Variants in ITGA11 observed in about 807,000 individuals in gnomAD.
ITGA11 encodes integrin alpha-11.
ITGA11 carries 97 observed loss-of-function variants against 141.9 expected under a neutral mutation model. The ratio of observed to expected loss-of-function variants is 0.68; its 90% CI spans 0.58 to 0.81. The LOEUF (loss-of-function observed/expected upper bound fraction) is 0.81. Among genes scored for constraint, ITGA11 ranks in the 30% least tolerant of loss-of-function variants. The pLI is 0.00. For synonymous variants in ITGA11, 658 were observed against 624.6 expected, an observed-to-expected ratio of 1.05 and a Z score of -0.80; for missense variants, 1,387 against 1,559.2, an observed-to-expected ratio of 0.89 and a Z score of 1.86.
At chr15:68,341,772 A>G (rs1290178579) in intron 10 of ITGA11, among the ~76,000 whole-genome samples, 1 of 152,136 alleles carries the variant, frequency 6.6e-6, no homozygotes, top group Non-Finnish European at 1.5e-5. Flanking sequence ...GATGACAGGG[A>G]GCCCCTGTGA....
At position 68,297,432 on chromosome 15, in the gene ITGA11, C is replaced by CAT. The variant is rs1555444378; in HGVS notation, c.*5626_*5627insAT. ...ATCTGTACAGTTCTGCACTTCTGAGCTTTTTTTTTTTTTTTTTTTTTATCC... is the reference window on the plus strand; with the variant it reads ...ATCTGTACAGTTCTGCACTTCTGAGCATTTTTTTTTTTTTTTTTTTTTTATCC... On this transcript the variant is annotated 3_prime_UTR_variant, in exon 30 of 30. Coordinates refer to ENST00000315757, the MANE Select transcript of ITGA11 (RefSeq NM_001004439.2). 16 of 95,820 alleles carry CAT rather than the reference C, an allele frequency of 1.7e-4. No homozygotes were observed. Among genetic ancestry groups the CAT allele is most frequent in the African/African-American group, 6.6e-4 (16 of 24,328 alleles). 5.9% of individuals were successfully genotyped at this position (95,820 alleles called of 1,614,324 possible).
rs1217757021 is a variant in ITGA11, at chr15:68,305,560, T to G, written c.3382-1675A>C. The stretch of plus-strand genomic sequence containing the variant: ...ACCTGCAACAGCAGACAGAGCCATG[T>G]GGAGTGAATGGACCACCTGCAACAG... On this transcript the variant is annotated intron_variant, in intron 28 of 29. Coordinates refer to ENST00000315757, the MANE Select transcript of ITGA11 (RefSeq NM_001004439.2). The surrounding 1 kb of genome is among the most constrained non-coding windows in gnomAD (Gnocchi z 4.6). Among the ~76,000 whole-genome samples, 6 of 152,114 alleles carry G rather than the reference T, an allele frequency of 3.9e-5. No individual in the cohort carries two copies. The highest frequency in any genetic ancestry group is 1.4e-4 in the African/African-American group (6 of 41,424).
rs936349832 is a variant in ITGA11, at chr15:68,333,957, G to A, written c.1426-1479C>T. 7.9e-5 allele frequency among the ~76,000 whole-genome samples: 12 copies of A among 152,028 alleles called. No individual in the cohort carries two copies. The highest frequency in any genetic ancestry group is 1.9e-4 in the African/African-American group (8 of 41,374). On this transcript the variant is annotated intron_variant, in intron 12 of 29. Coordinates refer to ENST00000315757, the MANE Select transcript of ITGA11 (RefSeq NM_001004439.2). This position sits in a 1 kb window ranked among gnomAD's most constrained non-coding sequence, Gnocchi z 4.2. ...AGCTTTTCTCTTGCATGCACTCCCC[G>A]CCCCTGCGTCCTCCCCAGACCATCC...
intron 2 of ITGA11, among the ~76,000 whole-genome samples, chr15:68,384,631 CCTCT>C (rs757657123): frequency 1.3e-5 from 2 of 152,214 alleles, no homozygotes; most frequent in Non-Finnish European, 2.9e-5. Context: ...TTCCTCTCTC[CCTCT>C]CTATCTCTCC....
In ITGA11 at chr15:68,302,800, G is replaced by C. The variant is rs926172638; in HGVS notation, c.*259C>G. On this transcript the variant is annotated 3_prime_UTR_variant, in exon 30 of 30. Transcript: ENST00000315757. ...CTGAGGGAGGCCTTGGCATGGGCCT[G>C]GGTGTGTGTAGGGGTGTCCCTTTAA... 1.6e-5 allele frequency: 7 copies of C among 426,906 alleles called. No homozygotes were observed. Among genetic ancestry groups the C allele is most frequent in the East Asian group, 8.1e-5 (2 of 24,748 alleles). The allele number at this position is 426,906 out of a possible 1,614,324, so 26.4% of individuals were successfully genotyped here.
chr15:68,417,785 C>G (rs556989269), intron 1 of ITGA11, among the ~76,000 whole-genome samples: 1 of 152,368 alleles, frequency 6.6e-6, no homozygotes, highest in Non-Finnish European at 1.5e-5. Flanking sequence ...TCCCCAAGAA[C>G]TTTTCTCAGC....
chr15:68,429,783 C>G (rs993983907), intron 1 of ITGA11, among the ~76,000 whole-genome samples: 1 of 152,198 alleles, frequency 6.6e-6, no homozygotes, highest in Non-Finnish European at 1.5e-5. Flanking sequence ...TCTTCTTTAA[C>G]TAGTCTCAGA....
intron 10 of ITGA11, among the ~76,000 whole-genome samples, chr15:68,344,182 A>G (rs1193973489): frequency 1.3e-5 from 2 of 152,092 alleles, no homozygotes; most frequent in African/African-American, 4.8e-5. Flanking sequence ...CCAGCGTGGC[A>G]GAGGACCTCA....
intron 2 of ITGA11, among the ~76,000 whole-genome samples, chr15:68,384,031 A>G (rs916043102): frequency 1.3e-5 from 2 of 152,034 alleles, no homozygotes; most frequent in Non-Finnish European, 2.9e-5. Flanking sequence ...CAATATTTTC[A>G]CTACCGAGAT....
chr15:68,332,010 G>T lies in ITGA11; in HGVS notation c.1619C>A (p.Ala540Asp). The T allele has an allele frequency of 1.2e-6, 2 of 1,611,350 alleles. No homozygotes were observed. Among genetic ancestry groups the T allele is most frequent in the Non-Finnish European group, 1.7e-6 (2 of 1,178,812 alleles). Residue 540 changes from alanine to aspartate, a missense_variant, in exon 14 of 30, where the codon GCC becomes GAC. Ala to Asp is a moderately radical substitution (Grantham distance 126). Coordinates refer to ENST00000315757, the MANE Select transcript of ITGA11 (RefSeq NM_001004439.2). ...TLKDSHSYQN[A>D]RFGSSIASVR... ...TGAGGCAATGGAGGACCCAAATCGGGCATTCTGGTAACTGTGTGAATCCTT... is the reference window on the plus strand; with the variant it reads ...TGAGGCAATGGAGGACCCAAATCGGTCATTCTGGTAACTGTGTGAATCCTT...
At chr15:68,359,757 C>T (rs2140345724) in intron 5 of ITGA11, among the ~76,000 whole-genome samples, 1 of 151,852 alleles carries the variant, frequency 6.6e-6, no homozygotes, top group African/African-American at 2.4e-5. Context: ...ATTAAAAAAA[C>T]CCTCCTCTTT....
At chr15:68,350,551 C>G (rs1894873371) in intron 9 of ITGA11, 66 bp downstream of exon 9, 1 of 1,477,824 alleles carries the variant, frequency 6.8e-7, no homozygotes, top group Non-Finnish European at 9.2e-7. Flanking sequence ...TTGGTTTGTG[C>G]TCTACGGGGT....
intron 2 of ITGA11, among the ~76,000 whole-genome samples, chr15:68,377,632 A>G (rs1227318987): frequency 6.6e-6 from 1 of 152,220 alleles, no homozygotes; most frequent in African/African-American, 2.4e-5. Flanking sequence ...ATAGGAAACT[A>G]CTATAGCAGC....
In ITGA11 at chr15:68,312,156, C is replaced by T. The variant is rs569481357; in HGVS notation, c.2973+617G>A. Reference sequence around the variant, plus strand: ...GGCTGCCAAATTGCCTCCTAACTCTCATTCTCCCACTTTCCTTAGTGGCAG... The same window carrying T: ...GGCTGCCAAATTGCCTCCTAACTCTTATTCTCCCACTTTCCTTAGTGGCAG... On this transcript the variant is annotated intron_variant, in intron 24 of 29. Coordinates refer to ENST00000315757, the MANE Select transcript of ITGA11 (RefSeq NM_001004439.2). 7.1e-4 allele frequency among the ~76,000 whole-genome samples: 108 copies of T among 152,374 alleles called. 1 individual carries two copies. Among genetic ancestry groups the T allele is most frequent in the Middle Eastern group, 3.4e-3 (1 of 294 alleles).
At chr15:68,377,036 A>G (rs1326211154) in intron 2 of ITGA11, among the ~76,000 whole-genome samples, 10 of 152,214 alleles carry the variant, frequency 6.6e-5, no homozygotes, top group African/African-American at 1.9e-4. Flanking sequence ...CTTTCACTGT[A>G]TCTGGGGATC....
Position 68,317,318 on chromosome 15 carries a change from GCCT to G in ITGA11, c.2659_2661del (p.Arg887del). 2 of 1,613,876 alleles carry G rather than the reference GCCT, an allele frequency of 1.2e-6. No homozygotes were observed. Among genetic ancestry groups the G allele is most frequent in the Non-Finnish European group, 1.7e-6 (2 of 1,179,836 alleles). ...CTGACGTTGCAGACTTGCTTCTGGA[GCCT>G]CCTCTCCTCGTTCACACACTCAATG... On this transcript the variant is annotated inframe_deletion, in exon 21 of 30. Transcript: ENST00000315757.
Position 68,321,271 on chromosome 15 carries a change from G to A in ITGA11, c.2408+147C>T. The stretch of plus-strand genomic sequence containing the variant: ...ATGCAGGAGTTGGTGGCAGAGCCTG[G>A]GCTAGAACGCAGGCTCCAAGTGCAA... On this transcript the variant is annotated intron_variant, in intron 19 of 29. Transcript: ENST00000315757. This position sits in a 1 kb window ranked among gnomAD's most constrained non-coding sequence, Gnocchi z 4.9. The A allele has an allele frequency of 2.1e-6, 1 of 470,040 alleles. No individual in the cohort carries two copies. The highest frequency in any genetic ancestry group is 3.8e-6 in the Non-Finnish European group (1 of 260,378). The allele number at this position is 470,040 out of a possible 1,614,324, so 29.1% of individuals were successfully genotyped here.
Position 68,300,633 on chromosome 15 carries a change from A to G in ITGA11, c.*2426T>C, listed in dbSNP as rs1231660031. Reference sequence around the variant, plus strand: ...GAAAGGGAAACTTGATAACAAATTGAGAGGCTAAGGGCCTTGATACAACTC... The same window carrying G: ...GAAAGGGAAACTTGATAACAAATTGGGAGGCTAAGGGCCTTGATACAACTC... On this transcript the variant is annotated 3_prime_UTR_variant, in exon 30 of 30. Coordinates refer to ENST00000315757, the MANE Select transcript of ITGA11 (RefSeq NM_001004439.2). 6.6e-6 allele frequency: 1 copy of G among 152,228 alleles called. No individual in the cohort carries two copies. Among genetic ancestry groups the G allele is most frequent in the Non-Finnish European group, 1.5e-5 (1 of 68,056 alleles). The allele number at this position is 152,228 out of a possible 1,614,324, so 9.4% of individuals were successfully genotyped here.
At position 68,331,950 on chromosome 15, in the gene ITGA11, ACG is replaced by A. The variant is rs773032455; in HGVS notation, c.1677_1678del (p.Val560GlyfsTer29). On this transcript the variant is annotated frameshift_variant, in exon 14 of 30. Transcript: ENST00000315757. LOFTEE classifies it high-confidence loss of function. ...GTCCTCCAGGGGGGCTCCCACCACC[ACG>A]TCATTGTAGGAATCCTGGTTGAGGT... 4 of 1,613,400 alleles carry A rather than the reference ACG, an allele frequency of 2.5e-6. No individual in the cohort carries two copies. The highest frequency in any genetic ancestry group is 3.4e-6 in the Non-Finnish European group (4 of 1,179,746).
Sources: gnomAD v4.1 joint callset for allele counts (sites outside exome capture counted in the v4.1 genomes callset) on GRCh38, gnomAD v4.1.1 for gene constraint, Gnocchi (gnomAD v3.1) non-coding constraint, MANE v1.5 for transcripts, NCBI Gene and HGNC (gene_info 2026-07-23, HGNC 2026-07-21) for gene names.